Variants in RNFT2 observed in about 807,000 individuals in gnomAD.
The protein encoded by RNFT2 is E3 ubiquitin-protein ligase RNFT2.
RNFT2 carries 36 observed loss-of-function variants against 53.0 expected under a neutral mutation model. That is an observed-to-expected ratio of 0.68 (90% CI 0.52 to 0.90). RNFT2 has a LOEUF of 0.90. Among genes scored for constraint, RNFT2 ranks in the 40% least tolerant of loss-of-function variants. The probability of loss-of-function intolerance (pLI) is 0.00; values close to 1 mark genes in which losing one functional copy is unlikely to be tolerated. For synonymous variants in RNFT2, 260 were observed against 253.2 expected (o/e 1.03, Z -0.26); for missense variants, 514 against 585.6 (o/e 0.88, Z 1.26).
In RNFT2 at chr12:116,851,325, C is replaced by G. The variant is rs1157046175; in HGVS notation, c.*1877C>G. ...AAGTGATCCTCCCTCCTCAGCCTCC[C>G]AAGCAGCTGCAACTACAGGCACACT... On this transcript the variant is annotated 3_prime_UTR_variant, in exon 11 of 11. Transcript: ENST00000257575. The G allele has an allele frequency of 6.1e-6, 1 of 163,926 alleles. No individual in the cohort carries two copies. The highest frequency in any genetic ancestry group is 1.3e-5 in the Non-Finnish European group (1 of 74,750). The allele number at this position is 163,926 out of a possible 1,614,324, so 10.2% of individuals were successfully genotyped here.
intron 7 of RNFT2, among the ~76,000 whole-genome samples, chr12:116,796,579 C>A (rs904391261): frequency 1.3e-5 from 2 of 152,114 alleles, no homozygotes; most frequent in Non-Finnish European, 2.9e-5. Context: ...GACATGAGAA[C>A]CAAGAGGATT....
At chr12:116,740,721 C>A in intron 2 of RNFT2, 200 bp downstream of exon 2, 1 of 645,028 alleles carries the variant, frequency 1.6e-6, no homozygotes, top group Admixed American at 2.3e-5. Flanking sequence ...CCTGCCAGTC[C>A]GCTGCCCACT....
At chr12:116,802,776 T>C (rs754576344) in intron 7 of RNFT2, among the ~76,000 whole-genome samples, 6 of 152,158 alleles carry the variant, frequency 3.9e-5, no homozygotes, top group Non-Finnish European at 8.8e-5. Flanking sequence ...CATGTGGCAA[T>C]TTCCTACAGG....
chr12:116,761,000 T>G (rs1230236178), intron 5 of RNFT2, among the ~76,000 whole-genome samples: 1 of 152,054 alleles, frequency 6.6e-6, no homozygotes, highest in East Asian at 1.9e-4. Flanking sequence ...GACCTCAGCC[T>G]CCTAGGGAGG....
chr12:116,806,377 A>AT lies in RNFT2; in HGVS notation c.882+27029_882+27030insT, dbSNP rs66541257. Reference sequence around the variant, plus strand: ...AGAGTGAGACTGTCTCAAAAAAAAAAAAAAATATATATATATATATATAGA... The same window carrying AT: ...AGAGTGAGACTGTCTCAAAAAAAAAATAAAAATATATATATATATATATAGA... On this transcript the variant is annotated intron_variant, in intron 7 of 10. Transcript: ENST00000257575. Among the ~76,000 whole-genome samples, 13 of 127,110 alleles carry AT rather than the reference A, an allele frequency of 1.0e-4. No homozygotes were observed. In the East Asian group the frequency reaches 1.4e-3, roughly 14 times the overall value. 83.4% of individuals were successfully genotyped at this position (127,110 alleles called of 152,430 possible). A position where few individuals can be genotyped will look rare whatever the true frequency, so the allele number is the denominator to read the frequency against.
intron 5 of RNFT2, among the ~76,000 whole-genome samples, chr12:116,761,914 C>T (rs1405259966): frequency 6.6e-6 from 1 of 152,024 alleles, no homozygotes; most frequent in Non-Finnish European, 1.5e-5. Context: ...TGAAATAGTG[C>T]ATCCAGGCCG....
intron 3 of RNFT2, among the ~76,000 whole-genome samples, chr12:116,741,870 C>G (rs1198372542): frequency 6.6e-6 from 1 of 152,116 alleles, no homozygotes; most frequent in Non-Finnish European, 1.5e-5. Flanking sequence ...AGACTGGCCT[C>G]AAACTCCTGG....
intron 7 of RNFT2, among the ~76,000 whole-genome samples, chr12:116,802,041 T>C (rs1349718828): frequency 6.6e-6 from 1 of 152,200 alleles, no homozygotes; most frequent in Non-Finnish European, 1.5e-5. Flanking sequence ...AGGCTGGTTT[T>C]GAACTCCTGA....
intron 5 of RNFT2, among the ~76,000 whole-genome samples, chr12:116,766,430 A>G (rs1872916437): frequency 6.6e-6 from 1 of 152,214 alleles, no homozygotes; most frequent in African/African-American, 2.4e-5. Context: ...TATAAGGTAG[A>G]TACTAAGATA....
intron 7 of RNFT2, among the ~76,000 whole-genome samples, chr12:116,827,171 G>T (rs1290775274): frequency 3.4e-5 from 5 of 146,484 alleles, no homozygotes; most frequent in Non-Finnish European, 4.4e-5. Context: ...AGTGAGCCGA[G>T]ATCATGCCAC....
intron 7 of RNFT2, among the ~76,000 whole-genome samples, chr12:116,810,214 G>T (rs1276387821): frequency 2.0e-5 from 3 of 152,108 alleles, no homozygotes; most frequent in Non-Finnish European, 2.9e-5. Flanking sequence ...TGGGAAAACA[G>T]AGAATGGACA....
intron 7 of RNFT2, among the ~76,000 whole-genome samples, chr12:116,819,867 A>C (rs1056833235): frequency 6.6e-6 from 1 of 152,246 alleles, no homozygotes; most frequent in Non-Finnish European, 1.5e-5. Flanking sequence ...CAGAAATATA[A>C]GAGTAGTCAC....
chr12:116,794,650 GGAAGGAAGGAAGGGAGGAAGGA>G (rs1592962540), intron 7 of RNFT2, among the ~76,000 whole-genome samples: 1 of 62,758 alleles, frequency 1.6e-5, no homozygotes, highest in Non-Finnish European at 4.1e-5. Context: ...GAGGGGAGAA[GGAAGGAAGGAAGGGAGGAAGGA>G]AGGGAGGGAG....
At chr12:116,823,323 A>T (rs935635586) in intron 7 of RNFT2, among the ~76,000 whole-genome samples, 1 of 152,208 alleles carries the variant, frequency 6.6e-6, no homozygotes, top group Non-Finnish European at 1.5e-5. Context: ...GATACAGAGG[A>T]TGCGCACCTA....
At chr12:116,741,689 T>C (rs1006283754) in intron 3 of RNFT2, among the ~76,000 whole-genome samples, 1 of 152,190 alleles carries the variant, frequency 6.6e-6, no homozygotes, top group Non-Finnish European at 1.5e-5. Context: ...CTTGCTCTGT[T>C]ACCCAGGCTG....
chr12:116,790,082 T>C (rs150134771), intron 7 of RNFT2, among the ~76,000 whole-genome samples: 1 of 152,306 alleles, frequency 6.6e-6, no homozygotes, highest in East Asian at 1.9e-4. Flanking sequence ...AAACCTCTTA[T>C]ATTTGGTAGG....
chr12:116,742,349 C>G (rs1366914215), intron 3 of RNFT2, among the ~76,000 whole-genome samples: 1 of 150,688 alleles, frequency 6.6e-6, no homozygotes, highest in Non-Finnish European at 1.5e-5. Context: ...CTCACTGCAG[C>G]CTCGACCTCT....
chr12:116,747,082 C>G (rs541701464), intron 3 of RNFT2, among the ~76,000 whole-genome samples: 2 of 152,046 alleles, frequency 1.3e-5, no homozygotes, highest in Non-Finnish European at 2.9e-5. Flanking sequence ...ATTGAGAAAG[C>G]ATCTTGCTCT....
intron 4 of RNFT2, among the ~76,000 whole-genome samples, chr12:116,752,746 C>T (rs1176381386): frequency 6.6e-6 from 1 of 152,118 alleles, no homozygotes; most frequent in Non-Finnish European, 1.5e-5. Flanking sequence ...GGTGTGGTGG[C>T]ACACACCTGT....
Sources: gnomAD v4.1 joint callset for allele counts (sites outside exome capture counted in the v4.1 genomes callset) on GRCh38, gnomAD v4.1.1 for gene constraint, MANE v1.5 for transcripts, NCBI Gene and HGNC (gene_info 2026-07-23, HGNC 2026-07-21) for gene names.